The following PAAF1 variants were observed in gnomAD, a reference collection of about 807,000 sequenced individuals.
PAAF1 encodes the protein proteasomal ATPase associated factor 1.
Under a neutral mutation model 52.8 loss-of-function variants are expected in PAAF1, and 46 were observed. The observed-to-expected ratio is 0.87, with a 90% confidence interval of 0.69 to 1.11. The LOEUF is 1.11. PAAF1 is among the 50% of genes most tolerant of loss of function. The pLI is 0.00. For synonymous variants in PAAF1, 178 were observed against 172.8 expected (o/e 1.03, Z -0.24); for missense variants, 424 against 477.4 (o/e 0.89, Z 1.04).
At chr11:73,896,943 T>C (rs544942804) in intron 4 of PAAF1, among the ~76,000 whole-genome samples, 37 of 123,318 alleles carry the variant, frequency 3.0e-4, no homozygotes, top group African/African-American at 1.1e-3. Context: ...CCCCCAGACC[T>C]CCCTCCCCGA....
chr11:73,881,659 G>C (rs1171247564), intron 2 of PAAF1, among the ~76,000 whole-genome samples: 1 of 152,036 alleles, frequency 6.6e-6, no homozygotes, highest in Admixed American at 6.6e-5. Context: ...TGTTGTTGTT[G>C]TTTTAAATTA....
At position 73,892,521 on chromosome 11, in the gene PAAF1, A is replaced by T. The variant is rs1356258456; in HGVS notation, c.282+1320A>T. Among the ~76,000 whole-genome samples, 3 of 152,130 alleles carry T rather than the reference A, an allele frequency of 2.0e-5. No individual in the cohort carries two copies. The East Asian group carries it at 5.8e-4, about 29-fold the overall frequency. On this transcript the variant is annotated intron_variant, in intron 4 of 11. Coordinates refer to ENST00000310571, the MANE Select transcript of PAAF1 (RefSeq NM_025155.3). ...TAATAATCATAGTAGTAAAGCTCACATTTATTGATTGCCTACTATGAGCCA... is the reference window on the plus strand; with the variant it reads ...TAATAATCATAGTAGTAAAGCTCACTTTTATTGATTGCCTACTATGAGCCA...
Position 73,924,694 on chromosome 11 carries a change from C to A in PAAF1, c.1098C>A (p.Tyr366Ter). ...ELTGADCDPV[Y>*]KVATWEKQIY... ...CTGGGGCTGACTGTGACCCTGTGTA[C>A]AAGGTACAGGCCTGAGACGACACCA... Residue 366 changes from tyrosine (Y) to a stop codon, truncating the protein, a stop_gained, in exon 11 of 12, where the codon TAC becomes TAA. Transcript: ENST00000310571. LOFTEE classifies it high-confidence loss of function. The A allele has an allele frequency of 6.2e-7, 1 of 1,613,620 alleles. No individual in the cohort carries two copies. Among genetic ancestry groups the A allele is most frequent in the Non-Finnish European group, 8.5e-7 (1 of 1,179,588 alleles).
At chr11:73,884,680 T>C (rs1412326318) in intron 2 of PAAF1, among the ~76,000 whole-genome samples, 1 of 152,200 alleles carries the variant, frequency 6.6e-6, no homozygotes, top group Non-Finnish European at 1.5e-5. Flanking sequence ...TCTGAAATAG[T>C]GCTTCATGAT....
chr11:73,878,768 T>C lies in PAAF1; in HGVS notation c.48-11T>C. 6.2e-7 allele frequency: 1 copy of C among 1,613,438 alleles called. No homozygotes were observed. Among genetic ancestry groups the C allele is most frequent in the South Asian group, 1.1e-5 (1 of 90,986 alleles). ...GGGTAAGCCTAATTAGGCTTTTGTC[T>C]TTCTTCGTAGGAAGGATGAAGGGGA... On this transcript the variant is annotated splice_polypyrimidine_tract_variant and intron_variant, in intron 1 of 11. Transcript: ENST00000310571.
At chr11:73,885,223 CTGCT>C (rs939838450) in intron 2 of PAAF1, among the ~76,000 whole-genome samples, 2 of 151,964 alleles carry the variant, frequency 1.3e-5, no homozygotes, top group Non-Finnish European at 2.9e-5. Flanking sequence ...ACTGCAACCT[CTGCT>C]TGCCAGGTTC....
intron 2 of PAAF1, chr11:73,879,826 T>C (rs1948843607): frequency 6.6e-6 from 1 of 151,596 alleles, no homozygotes; most frequent in Non-Finnish European, 1.5e-5. Flanking sequence ...TGAGTTATGA[T>C]CGAACCATTG....
In PAAF1 at chr11:73,899,187, G is replaced by C; in HGVS notation, c.324G>C (p.Val108=). 4 of 1,614,112 alleles carry C rather than the reference G, an allele frequency of 2.5e-6. No homozygotes were observed. The highest frequency in any genetic ancestry group is 3.4e-6 in the Non-Finnish European group (4 of 1,180,006). The change falls in exon 5 of 12, where the codon GTG becomes GTC. Residue 108 remains valine, a synonymous_variant. Transcript: ENST00000310571. ...TTTCCAGCAGAGGAGGTCTTGGTGT[G>C]TCTTCTAGTACTGACGGGACCATGA... is the stretch of plus-strand genomic sequence containing the variant. ...LDISSRGGLG[V]SSSTDGTMKI...
intron 6 of PAAF1, among the ~76,000 whole-genome samples, chr11:73,904,585 T>G (rs1238606456): frequency 3.9e-5 from 6 of 152,212 alleles, no homozygotes; most frequent in African/African-American, 1.4e-4. Context: ...AATACTTTCT[T>G]AGAAATTGGC....
intron 11 of PAAF1, among the ~76,000 whole-genome samples, chr11:73,926,131 A>C (rs1325289250): frequency 6.7e-6 from 1 of 150,172 alleles, no homozygotes; most frequent in Non-Finnish European, 1.5e-5. Flanking sequence ...TTTGAGATGG[A>C]GTTTCGCTCT....
intron 2 of PAAF1, among the ~76,000 whole-genome samples, chr11:73,883,919 A>G (rs1189769255): frequency 6.6e-6 from 1 of 152,154 alleles, no homozygotes; most frequent in Non-Finnish European, 1.5e-5. Flanking sequence ...CAATTAATGG[A>G]CACATATTTC....
intron 10 of PAAF1, chr11:73,921,562 G>A (rs1950219368): frequency 5.4e-6 from 3 of 553,828 alleles, no homozygotes; most frequent in South Asian, 3.1e-5. Flanking sequence ...TCTCTCTTCT[G>A]TATAAAACTT....
intron 10 of PAAF1, chr11:73,922,030 A>G (rs1209660580): frequency 1.2e-6 from 1 of 808,860 alleles, no homozygotes; most frequent in East Asian, 3.2e-5. Flanking sequence ...TAGTTTTTGA[A>G]GAAGACATTG....
chr11:73,887,385 T>C lies in PAAF1; in HGVS notation c.120T>C (p.Cys40=). The C allele has an allele frequency of 6.2e-7, 1 of 1,613,016 alleles. No homozygotes were observed. The highest frequency in any genetic ancestry group is 8.5e-7 in the Non-Finnish European group (1 of 1,179,628). The change falls in exon 3 of 12, where the codon TGT becomes TGC. Residue 40 remains cysteine (C), a synonymous_variant. Transcript: ENST00000310571. ...GKPSLYGSLT[C]QGIGLDGIPE... is the part of the protein sequence containing the mutation. ...CATCTTTGTATGGCAGCCTGACTTG[T>C]CAAGGAATTGGCCTAGATGGCATCC...
chr11:73,880,368 A>G (rs933864325), intron 2 of PAAF1: 6 of 151,290 alleles, frequency 4.0e-5, no homozygotes, highest in African/African-American at 1.5e-4. Flanking sequence ...ACTGTATTTT[A>G]TTTTACCTAT....
chr11:73,904,407 C>T (rs1056503320), intron 6 of PAAF1, among the ~76,000 whole-genome samples: 1 of 152,110 alleles, frequency 6.6e-6, no homozygotes, highest in Admixed American at 6.5e-5. Flanking sequence ...TTACATCTTT[C>T]ATAATCAGTG....
In PAAF1 at chr11:73,928,471, CATAAT is replaced by C. The variant is rs1034557061; in HGVS notation, c.*1110_*1114del. The stretch of plus-strand genomic sequence containing the variant: ...TTTTCTCTAAACATAAAAATGGAAT[CATAAT>C]GTATGTATTCCATGGCTTATTTTCA... On this transcript the variant is annotated 3_prime_UTR_variant, in exon 12 of 12. Coordinates refer to ENST00000310571, the MANE Select transcript of PAAF1 (RefSeq NM_025155.3). 1.3e-5 allele frequency: 2 copies of C among 152,168 alleles called. No homozygotes were observed. The highest frequency in any genetic ancestry group is 4.8e-5 in the African/African-American group (2 of 41,436). The allele number at this position is 152,168 out of a possible 1,614,324, so 9.4% of individuals were successfully genotyped here. A position where few individuals can be genotyped will look rare whatever the true frequency, so the allele number is the denominator to read the frequency against.
chr11:73,893,959 T>C (rs994411592), intron 4 of PAAF1, among the ~76,000 whole-genome samples: 5 of 152,044 alleles, frequency 3.3e-5, no homozygotes, highest in Non-Finnish European at 5.9e-5. Flanking sequence ...GTCGCCTGGC[T>C]TAAAAATTTT....
At chr11:73,900,848 G>A (rs1024475336) in intron 6 of PAAF1, among the ~76,000 whole-genome samples, 1 of 151,208 alleles carries the variant, frequency 6.6e-6, no homozygotes. Flanking sequence ...CGGGCGTAGT[G>A]GCGGGCGCCT....
Sources: allele counts gnomAD v4.1 joint callset (sites outside exome capture counted in the v4.1 genomes callset), GRCh38; gene constraint gnomAD v4.1.1; transcripts MANE v1.5; gene names NCBI Gene and HGNC (gene_info 2026-07-23, HGNC 2026-07-21).